ANKRD34C: variants seen among roughly 807,000 people sequenced by gnomAD.
ANKRD34C encodes ankyrin repeat domain-containing protein 34C.
For synonymous variants in ANKRD34C, 260 were observed against 253.6 expected (o/e 1.03, Z -0.24); for missense variants, 563 against 653.0 (o/e 0.86, Z 1.50).
In ANKRD34C at chr15:79,291,597, CACACAGAG is replaced by C. The variant is rs1185910112; in HGVS notation, c.-44-1642_-44-1635del. On this transcript the variant is annotated intron_variant, in intron 1 of 1. Coordinates refer to ENST00000421388, the MANE Select transcript of ANKRD34C (RefSeq NM_001146341.2). ...ACACACACACACACACACACACACA[CACACAGAG>C]AGAGAGAGAGAGAGAGAGAGAGAGA... is the stretch of plus-strand genomic sequence containing the variant. Among the ~76,000 whole-genome samples the C allele has an allele frequency of 9.2e-3, 1,019 of 111,308 alleles. 2 individuals are homozygous for C. Among genetic ancestry groups the C allele is most frequent in the Middle Eastern group, 0.018 (4 of 222 alleles). The allele number at this position is 111,308 out of a possible 152,430, so 73.0% of individuals were successfully genotyped here.
intron 1 of ANKRD34C, among the ~76,000 whole-genome samples, chr15:79,289,302 G>T (rs2058653653): frequency 6.6e-6 from 1 of 152,132 alleles, no homozygotes; most frequent in Admixed American, 6.5e-5. Context: ...TAAAAAAATG[G>T]CTATAGACAA....
At chr15:79,288,225 G>T (rs2058650253) in intron 1 of ANKRD34C, among the ~76,000 whole-genome samples, 1 of 152,190 alleles carries the variant, frequency 6.6e-6, no homozygotes, top group Non-Finnish European at 1.5e-5. Context: ...TTAACAGTTT[G>T]TTGGGCTATA....
intron 1 of ANKRD34C, among the ~76,000 whole-genome samples, chr15:79,288,956 G>A (rs1235800755): frequency 6.6e-6 from 1 of 151,722 alleles, no homozygotes; most frequent in Non-Finnish European, 1.5e-5. Flanking sequence ...GAGTAGCTGG[G>A]ACTGCAAGCG....
Position 79,295,001 on chromosome 15 carries a change from T to A in ANKRD34C, c.*109T>A. On this transcript the variant is annotated 3_prime_UTR_variant, in exon 2 of 2. Transcript: ENST00000421388. ...TGAACTGTGGCCACTTCAGAAGATA[T>A]AAAAGCAGGATGCTGCTTCACTTCT... 1 of 1,195,178 alleles carries A rather than the reference T, an allele frequency of 8.4e-7. No individual in the cohort carries two copies. Among genetic ancestry groups the A allele is most frequent in the South Asian group, 1.7e-5 (1 of 58,058 alleles). 74.0% of individuals were successfully genotyped at this position (1,195,178 alleles called of 1,614,324 possible).
intron 1 of ANKRD34C, among the ~76,000 whole-genome samples, chr15:79,285,603 T>A (rs1246472248): frequency 6.6e-6 from 1 of 152,250 alleles, no homozygotes; most frequent in African/African-American, 2.4e-5. Flanking sequence ...ATATATTATG[T>A]ATTTTACTTT....
intron 1 of ANKRD34C, among the ~76,000 whole-genome samples, chr15:79,284,985 C>T (rs904317766): frequency 6.6e-6 from 1 of 152,160 alleles, no homozygotes; most frequent in Non-Finnish European, 1.5e-5. Flanking sequence ...CATTTTGAAA[C>T]AGCAGTTTCA....
At position 79,286,467 on chromosome 15, in the gene ANKRD34C, G is replaced by T. The variant is rs552900287; in HGVS notation, c.-45+3239G>T. 2.6e-5 allele frequency among the ~76,000 whole-genome samples: 4 copies of T among 152,266 alleles called. No homozygotes were observed. In the South Asian group the frequency reaches 8.3e-4, roughly 32 times the overall value. On this transcript the variant is annotated intron_variant, in intron 1 of 1. Transcript: ENST00000421388. Reference sequence around the variant, plus strand: ...AGATTGTTTCTTTTCTCTCCAACGAGCTTAGAGATCTTGTAAATCATTTAA... The same window carrying T: ...AGATTGTTTCTTTTCTCTCCAACGATCTTAGAGATCTTGTAAATCATTTAA...
chr15:79,295,046 T>C lies in ANKRD34C; in HGVS notation c.*154T>C. On this transcript the variant is annotated 3_prime_UTR_variant, in exon 2 of 2. Coordinates refer to ENST00000421388, the MANE Select transcript of ANKRD34C (RefSeq NM_001146341.2). ...ACTTCTGAGAATAATCCCTGGGTTTTTATAGGCCTACTTGAAAAGAGCTCA... is the reference window on the plus strand; with the variant it reads ...ACTTCTGAGAATAATCCCTGGGTTTCTATAGGCCTACTTGAAAAGAGCTCA... 1.2e-6 allele frequency: 1 copy of C among 851,842 alleles called. No homozygotes were observed. Among genetic ancestry groups the C allele is most frequent in the South Asian group, 2.2e-5 (1 of 46,024 alleles). The allele number at this position is 851,842 out of a possible 1,614,324, so 52.8% of individuals were successfully genotyped here.
intron 1 of ANKRD34C, among the ~76,000 whole-genome samples, chr15:79,287,157 C>T (rs1330003995): frequency 2.0e-5 from 3 of 152,148 alleles, no homozygotes; most frequent in Admixed American, 6.5e-5. Flanking sequence ...CTTTGCACTA[C>T]AGTTATGTCA....
chr15:79,292,946 T>G (rs1014501745), intron 1 of ANKRD34C, among the ~76,000 whole-genome samples: 1 of 152,202 alleles, frequency 6.6e-6, no homozygotes, highest in African/African-American at 2.4e-5. Context: ...TTTAAACAAA[T>G]ATTTACTCTA....
Position 79,294,048 on chromosome 15 carries a change from G to T in ANKRD34C, c.764G>T (p.Trp255Leu). 2 of 1,551,584 alleles carry T rather than the reference G, an allele frequency of 1.3e-6. No individual in the cohort carries two copies. Among genetic ancestry groups the T allele is most frequent in the African/African-American group, 1.4e-5 (1 of 73,168 alleles). ...PQLKRLQSEP[W>L]GLIAPSVLAA... ...CTGAAGAGGCTCCAGTCTGAACCTT[G>T]GGGCCTGATAGCGCCCTCGGTGCTG... The change falls in exon 2 of 2, where the codon TGG (tryptophan) becomes TTG (leucine). Residue 255 changes from tryptophan to leucine, a missense_variant. By Grantham distance (61) the Trp-to-Leu change is moderately conservative (BLOSUM62 -2). Coordinates refer to ENST00000421388, the MANE Select transcript of ANKRD34C (RefSeq NM_001146341.2).
Position 79,294,148 on chromosome 15 carries a change from A to G in ANKRD34C, c.864A>G (p.Ile288Met). The G allele has an allele frequency of 6.4e-7, 1 of 1,551,452 alleles. No individual in the cohort carries two copies. ...DNEVIKSISD[I>M]SFPKRGPLSR... ...AGGTCATCAAGAGCATCAGTGATAT[A>G]TCCTTCCCTAAAAGGGGGCCCCTCT... Residue 288 changes from isoleucine to methionine, a missense_variant, in exon 2 of 2, where the codon ATA (isoleucine) becomes ATG (methionine). Ile to Met is a conservative substitution (Grantham distance 10, BLOSUM62 1). Transcript: ENST00000421388.
Position 79,295,793 on chromosome 15 carries a change from T to C in ANKRD34C, c.*901T>C, listed in dbSNP as rs2058670871. The C allele has an allele frequency of 6.0e-6, 1 of 166,826 alleles. No individual in the cohort carries two copies. The highest frequency in any genetic ancestry group is 2.4e-5 in the African/African-American group (1 of 41,452). The allele number at this position is 166,826 out of a possible 1,614,324, so 10.3% of individuals were successfully genotyped here. A position where few individuals can be genotyped will look rare whatever the true frequency, so the allele number is the denominator to read the frequency against. On this transcript the variant is annotated 3_prime_UTR_variant, in exon 2 of 2. Transcript: ENST00000421388. The stretch of plus-strand genomic sequence containing the variant: ...ATGACAACTGAGGATGAGATGTGCA[T>C]AGATTAAATGGTAAAGTGGGTGGTT...
chr15:79,288,569 G>A (rs1451224718), intron 1 of ANKRD34C, among the ~76,000 whole-genome samples: 1 of 152,122 alleles, frequency 6.6e-6, no homozygotes, highest in East Asian at 1.9e-4. Context: ...ACCAGGTGTG[G>A]GGGTTCACCA....
At position 79,293,300 on chromosome 15, in the gene ANKRD34C, A is replaced by G. The variant is rs2058664159; in HGVS notation, c.16A>G (p.Thr6Ala). The G allele has an allele frequency of 6.6e-7, 1 of 1,521,988 alleles. No homozygotes were observed. The highest frequency in any genetic ancestry group is 2.1e-5 in the Admixed American group (1 of 47,884). 94.3% of individuals were successfully genotyped at this position (1,521,988 alleles called of 1,614,324 possible). A position where few individuals can be genotyped will look rare whatever the true frequency, so the allele number is the denominator to read the frequency against. Residue 6 changes from threonine to alanine, a missense_variant, in exon 2 of 2, where the codon ACT (threonine) becomes GCT (alanine). Thr to Ala is a moderately conservative substitution (Grantham distance 58, BLOSUM62 0). Transcript: ENST00000421388. MMDDD[T>A]ELRTDGNSLL... ...TGTAGCCAATATGATGGATGATGAC[A>G]CTGAATTAAGGACTGATGGAAACTC...
At position 79,293,987 on chromosome 15, in the gene ANKRD34C, A is replaced by G; in HGVS notation, c.703A>G (p.Lys235Glu). 6.4e-7 allele frequency: 1 copy of G among 1,551,714 alleles called. No homozygotes were observed. The highest frequency in any genetic ancestry group is 8.7e-7 in the Non-Finnish European group (1 of 1,146,994). The change falls in exon 2 of 2, where the codon AAA (lysine) becomes GAA (glutamate). Residue 235 changes from lysine (K) to glutamate (E), a missense_variant. Lys to Glu is a moderately conservative substitution (Grantham distance 56, BLOSUM62 1). Transcript: ENST00000421388. ...AVNEPGSPTRKVSNLKRARLP... is the reference protein window; with the variant it reads ...AVNEPGSPTREVSNLKRARLP... ...TAATGAGCCTGGGTCACCCACCAGGAAAGTCAGTAATCTCAAAAGGGCCCG... is the reference window on the plus strand; with the variant it reads ...TAATGAGCCTGGGTCACCCACCAGGGAAGTCAGTAATCTCAAAAGGGCCCG...
chr15:79,287,301 G>C (rs918662278), intron 1 of ANKRD34C, among the ~76,000 whole-genome samples: 2 of 152,072 alleles, frequency 1.3e-5, no homozygotes, highest in African/African-American at 2.4e-5. Context: ...TGATAAAATG[G>C]GGATAATAAT....
At chr15:79,283,461 G>T (rs1401024358) in intron 1 of ANKRD34C, among the ~76,000 whole-genome samples, 1 of 152,210 alleles carries the variant, frequency 6.6e-6, no homozygotes, top group Non-Finnish European at 1.5e-5. Context: ...TGTAGGAAAT[G>T]GTTGCGGAGC....
intron 1 of ANKRD34C, chr15:79,283,680 C>A (rs1434042610): frequency 6.6e-6 from 1 of 152,298 alleles, no homozygotes; most frequent in Non-Finnish European, 1.5e-5. Flanking sequence ...CCATGCTCGG[C>A]CTTCTGGAAG....
Sources: allele counts gnomAD v4.1 joint callset (sites outside exome capture counted in the v4.1 genomes callset), GRCh38; gene constraint gnomAD v4.1.1; transcripts MANE v1.5; gene names NCBI Gene and HGNC (gene_info 2026-07-23, HGNC 2026-07-21).